The following COPE variants were observed in gnomAD, a reference collection of about 807,000 sequenced individuals.
The protein encoded by COPE is coat protein complex I subunit epsilon.
In COPE, 19 loss-of-function variants were observed where a neutral mutation model predicts 42.1. That is an observed-to-expected ratio of 0.45 (90% CI 0.31 to 0.66). The LOEUF is 0.66. COPE is among the 30% of genes least tolerant of loss of function. The pLI is 0.05. For missense variants in COPE, 402 were observed against 416.1 expected (o/e 0.97, Z 0.30); for synonymous variants, 195 against 181.3 (o/e 1.08, Z -0.60).
At chr19:18,904,973 TGCA>T in intron 5 of COPE, 121 bp from the exon 6 acceptor site, 1 of 948,686 alleles carries the variant, frequency 1.1e-6, no homozygotes, top group Non-Finnish European at 1.6e-6. Flanking sequence ...TGTGCTCCAC[TGCA>T]TGCTCATACC....
At chr19:18,917,199 T>G (rs541175895) in intron 1 of COPE, among the ~76,000 whole-genome samples, 2 of 150,366 alleles carry the variant, frequency 1.3e-5, no homozygotes, top group Non-Finnish European at 3.0e-5. Flanking sequence ...AGTGGCGGGT[T>G]CTGGTGAAGA....
chr19:18,911,583 G>A (rs1389249005), intron 2 of COPE, among the ~76,000 whole-genome samples: 4 of 150,060 alleles, frequency 2.7e-5, no homozygotes, highest in Admixed American at 2.0e-4. Context: ...ACGGAGTCTC[G>A]CTCTGTCGCC....
intron 5 of COPE, among the ~76,000 whole-genome samples, chr19:18,905,228 T>A (rs113334282): frequency 5.3e-5 from 8 of 152,044 alleles, no homozygotes; most frequent in African/African-American, 1.9e-4. Context: ...GCCTCCGACC[T>A]GGTGATGCCA....
chr19:18,912,987 C>T lies in COPE; in HGVS notation c.186G>A (p.Ala62=), dbSNP rs144870827. ...RDVFLYRAYL[A]QRKFGVVLDE... The stretch of plus-strand genomic sequence containing the variant: ...CCCGGCCAAGGCCCGCACTCACCTG[C>T]GCCAGGTACGCTCTATACAGGAAGA... The change falls in exon 2 of 10, where the codon GCG becomes GCA. Residue 62 remains alanine (A), a synonymous_variant. Transcript: ENST00000262812. 9.4e-5 allele frequency: 151 copies of T among 1,611,810 alleles called. No individual in the cohort carries two copies. In the African/African-American group the frequency reaches 1.6e-3, roughly 17 times the overall value.
chr19:18,900,465 G>C lies in COPE; in HGVS notation c.736-16C>G, dbSNP rs1444417890. 1.3e-6 allele frequency: 2 copies of C among 1,543,706 alleles called. No homozygotes were observed. Among genetic ancestry groups the C allele is most frequent in the Non-Finnish European group, 1.8e-6 (2 of 1,142,340 alleles). ...AGCCACTATCCTGGAGACACAGGCA[G>C]ACACGGGGAGGCAGGGTCAGCCACT... On this transcript the variant is annotated splice_polypyrimidine_tract_variant and intron_variant, in intron 7 of 9. Transcript: ENST00000262812.
intron 2 of COPE, among the ~76,000 whole-genome samples, chr19:18,912,477 G>A (rs1007923151): frequency 6.6e-6 from 1 of 150,598 alleles, no homozygotes. Context: ...AAAAAAAATC[G>A]GCTGGGCGCG....
chr19:18,905,859 CCACT>C, intron 4 of COPE: 1 of 550,722 alleles, frequency 1.8e-6, no homozygotes, highest in Non-Finnish European at 3.2e-6. Context: ...AGGCCCCGGC[CCACT>C]CACCGCCCAT....
chr19:18,901,571 G>A (rs1601207317), intron 7 of COPE, among the ~76,000 whole-genome samples: 1 of 152,210 alleles, frequency 6.6e-6, no homozygotes. Context: ...ACTTTCTGAT[G>A]ATAACTCAGC....
chr19:18,908,443 CA>C (rs954779674), intron 3 of COPE, among the ~76,000 whole-genome samples: 7 of 151,736 alleles, frequency 4.6e-5, no homozygotes, highest in Admixed American at 2.6e-4. Context: ...GCAACAGCAA[CA>C]AAATCAATTA....
chr19:18,902,739 A>AAGG (rs1568314640), intron 7 of COPE, among the ~76,000 whole-genome samples: 8 of 61,128 alleles, frequency 1.3e-4, no homozygotes, highest in African/African-American at 9.7e-4. Flanking sequence ...GAAAGGAAGG[A>AAGG]AAGGAAGGAA....
intron 3 of COPE, among the ~76,000 whole-genome samples, chr19:18,908,025 G>C (rs75726225): frequency 0.032 from 4,890 of 152,248 alleles, 106 homozygotes; most frequent in Non-Finnish European, 0.041. Flanking sequence ...GAGGAGCAAG[G>C]AGCTCCCAAG....
intron 5 of COPE, 102 bp downstream of exon 5, chr19:18,905,474 A>G: frequency 8.3e-7 from 1 of 1,199,630 alleles, no homozygotes; most frequent in Non-Finnish European, 1.1e-6. Flanking sequence ...GAAAGACAAC[A>G]AGAGTAATGA....
chr19:18,906,135 G>C (rs184282165), intron 4 of COPE: 108 of 398,114 alleles, frequency 2.7e-4, no homozygotes, highest in African/African-American at 2.1e-3. Context: ...ACAGGAGCCA[G>C]CACCTGGACC....
intron 6 of COPE, 30 bp downstream of exon 6, chr19:18,904,741 T>C (rs1380105588): frequency 1.3e-6 from 2 of 1,545,268 alleles, no homozygotes; most frequent in Admixed American, 2.0e-5. Flanking sequence ...GTGCCCGCAA[T>C]GCCCACCCAC....
In COPE at chr19:18,905,641, G is replaced by A. The variant is rs4808874; in HGVS notation, c.444-12C>T. The A allele has an allele frequency of 0.051, 81,571 of 1,588,764 alleles. 2,356 individuals are homozygous for A. The highest frequency in any genetic ancestry group is 0.06 in the Non-Finnish European group (70,903 of 1,175,914). Reference sequence around the variant, plus strand: ...CTGTCATGGCTGTGCTGCAGGACAGGGCGAGGGGGCGGTCAGCGGGTCGCC... The same window carrying A: ...CTGTCATGGCTGTGCTGCAGGACAGAGCGAGGGGGCGGTCAGCGGGTCGCC... On this transcript the variant is annotated splice_polypyrimidine_tract_variant and intron_variant, in intron 4 of 9. Coordinates refer to ENST00000262812, the MANE Select transcript of COPE (RefSeq NM_007263.4).
In COPE at chr19:18,913,113, TGACA is replaced by T. The variant is rs1328976787; in HGVS notation, c.127-71_127-68del. ...CAGCGCAGCCCACACAGGGTGAGCA[TGACA>T]GACAGGCCCCTGTACACTGGGGACA... On this transcript the variant is annotated intron_variant, in intron 1 of 9. Transcript: ENST00000262812. The T allele has an allele frequency of 3.8e-5, 53 of 1,400,304 alleles. 1 individual carries two copies. In the South Asian group the frequency reaches 5.8e-4, roughly 15 times the overall value. The allele number at this position is 1,400,304 out of a possible 1,614,324, so 86.7% of individuals were successfully genotyped here. A position where few individuals can be genotyped will look rare whatever the true frequency, so the allele number is the denominator to read the frequency against.
chr19:18,901,992 AAC>A (rs980021497), intron 7 of COPE, among the ~76,000 whole-genome samples: 3 of 152,032 alleles, frequency 2.0e-5, no homozygotes, highest in Non-Finnish European at 2.9e-5. Flanking sequence ...CATCCTGGCT[AAC>A]ACAGCAAAAC....
At chr19:18,899,770 G>A (rs758325883) in intron 9 of COPE, 44 bp from the exon 10 acceptor site, 19 of 1,612,984 alleles carry the variant, frequency 1.2e-5, no homozygotes, top group Non-Finnish European at 1.5e-5. Context: ...GCAGGGTGTG[G>A]GGAGACAGGT....
intron 6 of COPE, 83 bp from the exon 7 acceptor site, chr19:18,903,506 C>A: frequency 6.9e-7 from 1 of 1,448,340 alleles, no homozygotes; most frequent in Non-Finnish European, 9.3e-7. Flanking sequence ...GCGGGGGGGA[C>A]TCCAGCACTG....
Sources: gnomAD v4.1 joint callset for allele counts (sites outside exome capture counted in the v4.1 genomes callset) on GRCh38, gnomAD v4.1.1 for gene constraint, MANE v1.5 for transcripts, NCBI Gene and HGNC (gene_info 2026-07-23, HGNC 2026-07-21) for gene names.